RAPGEF4: variants seen among roughly 807,000 people sequenced by gnomAD.
RAPGEF4 encodes the protein RAP guanine-nucleotide-exchange factor (GEF) 4.
RAPGEF4 carries 66 observed loss-of-function variants against 147.9 expected under a neutral mutation model. That is an observed-to-expected ratio of 0.45 (90% CI 0.37 to 0.55). RAPGEF4 has a LOEUF of 0.55. RAPGEF4 is among the 20% of genes least tolerant of loss of function. The pLI is 0.00. For synonymous variants in RAPGEF4, 419 were observed against 442.7 expected, an observed-to-expected ratio of 0.95 and a Z score of 0.67; for missense variants, 1,071 against 1,257.3, an observed-to-expected ratio of 0.85 and a Z score of 2.24.
chr2:172,951,977 G>C (rs778151156), intron 6 of RAPGEF4, among the ~76,000 whole-genome samples: 6 of 152,186 alleles, frequency 3.9e-5, no homozygotes, highest in Non-Finnish European at 5.9e-5. Flanking sequence ...GGCACAAGTG[G>C]CTATGGAGCA....
intron 10 of RAPGEF4, among the ~76,000 whole-genome samples, chr2:172,979,879 G>C (rs1316722151): frequency 1.3e-5 from 2 of 152,146 alleles, no homozygotes; most frequent in Non-Finnish European, 2.9e-5. Context: ...TTAGCCAGAC[G>C]TGGTGGCATG....
chr2:172,803,076 G>C (rs111230450), intron 3 of RAPGEF4, among the ~76,000 whole-genome samples: 9 of 152,250 alleles, frequency 5.9e-5, no homozygotes, highest in African/African-American at 1.9e-4. Flanking sequence ...AGTGTATGCA[G>C]CTTTTCCAGG....
Position 173,034,640 on chromosome 2 carries a change from A to G in RAPGEF4, c.2700+676A>G, listed in dbSNP as rs765508403. Among the ~76,000 whole-genome samples, 76 of 152,094 alleles carry G rather than the reference A, an allele frequency of 5.0e-4. 1 individual carries two copies. Among genetic ancestry groups the G allele is most frequent in the Non-Finnish European group, 6.5e-4 (44 of 67,970 alleles). On this transcript the variant is annotated intron_variant, in intron 27 of 30. Coordinates refer to ENST00000397081, the MANE Select transcript of RAPGEF4 (RefSeq NM_007023.4). Reference sequence around the variant, plus strand: ...TGTAATCCCAGCACTTTGGGAGGCCAGGAAAGGTGGATTACTTGAGGTCAG... The same window carrying G: ...TGTAATCCCAGCACTTTGGGAGGCCGGGAAAGGTGGATTACTTGAGGTCAG...
chr2:173,040,800 A>T (rs1194527856), intron 29 of RAPGEF4, among the ~76,000 whole-genome samples: 1 of 152,194 alleles, frequency 6.6e-6, no homozygotes, highest in African/African-American at 2.4e-5. Context: ...AAAAGCAGAC[A>T]TTCTTTTATT....
intron 9 of RAPGEF4, chr2:172,967,035 G>C: frequency 2.3e-6 from 1 of 429,034 alleles, no homozygotes; most frequent in Admixed American, 3.9e-5. Context: ...TCCCACAGAG[G>C]CCGAGGAGAT....
intron 23 of RAPGEF4, among the ~76,000 whole-genome samples, chr2:173,022,277 G>C (rs1696174953): frequency 6.6e-6 from 1 of 152,188 alleles, no homozygotes; most frequent in African/African-American, 2.4e-5. Flanking sequence ...CTAAACCTCT[G>C]TTTGTTGGCA....
intron 30 of RAPGEF4, among the ~76,000 whole-genome samples, chr2:173,050,469 G>A (rs1157318734): frequency 6.6e-6 from 1 of 152,122 alleles, no homozygotes; most frequent in Non-Finnish European, 1.5e-5. Flanking sequence ...TTGTGCAGAT[G>A]GCATTCTAAT....
rs7585729 is a variant in RAPGEF4 at position 172,795,185 on chromosome 2, T to C, written c.208+18T>C. ...AATAACATGTAAGAAATGCAACTCT[T>C]GTAGTATATTTCCATGTATGGTTTA... is the stretch of plus-strand genomic sequence containing the variant. On this transcript the variant is annotated intron_variant, in intron 2 of 30. Transcript: ENST00000397081. 1,575,686 of 1,583,846 alleles carry C rather than the reference T, an allele frequency of 0.99. 784,106 individuals carry two copies. Among genetic ancestry groups the C allele is most frequent in the East Asian group, 1 (44,716 of 44,716 alleles).
At chr2:173,005,962 C>G (rs1330615524) in intron 17 of RAPGEF4, among the ~76,000 whole-genome samples, 1 of 57,452 alleles carries the variant, frequency 1.7e-5, no homozygotes, top group African/African-American at 6.9e-5. Context: ...TGCCAACATT[C>G]ATGCCTTATT....
rs563243093 is a variant in RAPGEF4, at chr2:172,912,964, C to T, written c.445-4838C>T. Among the ~76,000 whole-genome samples the T allele has an allele frequency of 3.7e-4, 55 of 147,188 alleles. No homozygotes were observed. In the South Asian group the frequency reaches 9.7e-3, roughly 26 times the overall value. On this transcript the variant is annotated intron_variant, in intron 4 of 30. Transcript: ENST00000397081. ...AGGATGGAGTGCAGTGGCACAATCT[C>T]GGCTCACTGCAACCTCCACCTCCCG...
Position 172,988,689 on chromosome 2 carries a change from C to G in RAPGEF4, c.1228-4C>G, listed in dbSNP as rs747905851. 1.1e-5 allele frequency: 18 copies of G among 1,610,422 alleles called. No individual in the cohort carries two copies. The South Asian group carries it at 1.9e-4, about 17-fold the overall frequency. On this transcript the variant is annotated splice_region_variant and splice_polypyrimidine_tract_variant and intron_variant, in intron 13 of 30. Coordinates refer to ENST00000397081, the MANE Select transcript of RAPGEF4 (RefSeq NM_007023.4). ...TCTTCATCTGTGTGCTCTACTCTAT[C>G]CAGGGTGTGGTCTGCACCCTGCATG...
chr2:172,948,513 A>G (rs1575340705), intron 6 of RAPGEF4, among the ~76,000 whole-genome samples: 1 of 152,168 alleles, frequency 6.6e-6, no homozygotes, highest in Admixed American at 6.5e-5. Flanking sequence ...GTGGAGAAGT[A>G]TGTTTTCAGG....
intron 1 of RAPGEF4, among the ~76,000 whole-genome samples, chr2:172,746,981 T>G (rs1694832799): frequency 6.6e-6 from 1 of 152,172 alleles, no homozygotes; most frequent in Admixed American, 6.5e-5. Flanking sequence ...GAAATAATTT[T>G]TATAGGCCCT....
At chr2:172,795,397 C>G (rs1574861588) in intron 2 of RAPGEF4, among the ~76,000 whole-genome samples, 1 of 152,202 alleles carries the variant, frequency 6.6e-6, no homozygotes, top group East Asian at 1.9e-4. Context: ...AACCAACTTT[C>G]TAGATGGAGC....
rs189737614 is a variant in RAPGEF4, at chr2:172,765,274, A to T, written c.65+29226A>T. Among the ~76,000 whole-genome samples the T allele has an allele frequency of 1.4e-3, 209 of 152,290 alleles. 2 individuals carry two copies. Among genetic ancestry groups the T allele is most frequent in the African/African-American group, 4.4e-3 (181 of 41,568 alleles). On this transcript the variant is annotated intron_variant, in intron 1 of 30. Transcript: ENST00000397081. ...ATATGACCTCTTCTTAACGAATTAC[A>T]TCTGCAAAGACCCTCTTTCCAAATA...
At chr2:172,799,026 C>T (rs1451446256) in intron 3 of RAPGEF4, among the ~76,000 whole-genome samples, 1 of 152,098 alleles carries the variant, frequency 6.6e-6, no homozygotes, top group African/African-American at 2.4e-5. Flanking sequence ...CAGAGACAGT[C>T]AAGGTGAGAG....
chr2:172,917,712 A>C, intron 4 of RAPGEF4, 90 bp from the exon 5 acceptor site: 2 of 1,120,994 alleles, frequency 1.8e-6, no homozygotes, highest in Non-Finnish European at 2.7e-6. Context: ...GCTTCCTGAC[A>C]CCCAGCATTT....
At chr2:172,919,641 C>T (rs958559147) in intron 5 of RAPGEF4, among the ~76,000 whole-genome samples, 2 of 152,152 alleles carry the variant, frequency 1.3e-5, no homozygotes, top group African/African-American at 4.8e-5. Flanking sequence ...CAAACACTTC[C>T]CAAACCAACA....
intron 6 of RAPGEF4, among the ~76,000 whole-genome samples, chr2:172,945,443 G>T (rs1343290312): frequency 6.6e-6 from 1 of 151,904 alleles, no homozygotes; most frequent in African/African-American, 2.4e-5. Context: ...TTATTTGTTT[G>T]TATATTCTTG....
Sources: gnomAD v4.1 joint callset for allele counts (sites outside exome capture counted in the v4.1 genomes callset) on GRCh38, gnomAD v4.1.1 for gene constraint, MANE v1.5 for transcripts, NCBI Gene and HGNC (gene_info 2026-07-23, HGNC 2026-07-21) for gene names.